Variants in APBA2 observed in about 807,000 individuals in gnomAD.
APBA2 encodes amyloid beta precursor protein binding family A member 2, also known as amyloid-beta A4 precursor protein-binding family A member 2.
In APBA2, 30 loss-of-function variants were observed where a neutral mutation model predicts 75.0. The ratio of observed to expected loss-of-function variants is 0.40; its 90% CI spans 0.30 to 0.54. The LOEUF (loss-of-function observed/expected upper bound fraction) is 0.54. Among genes scored for constraint, APBA2 ranks in the 20% least tolerant of loss-of-function variants. The pLI is 0.49. For missense variants in APBA2, 801 were observed against 1,016.1 expected, an observed-to-expected ratio of 0.79 and a Z score of 2.88; for synonymous variants, 444 against 409.6, an observed-to-expected ratio of 1.08 and a Z score of -1.01.
At chr15:28,951,707 C>T (rs1212165641) in intron 2 of APBA2, among the ~76,000 whole-genome samples, 1 of 152,124 alleles carries the variant, frequency 6.6e-6, no homozygotes, top group African/African-American at 2.4e-5. Context: ...GCCTCAGCCT[C>T]CCTAGTAGCT....
chr15:28,985,293 G>C (rs1595650391), intron 2 of APBA2, among the ~76,000 whole-genome samples: 1 of 152,274 alleles, frequency 6.6e-6, no homozygotes, highest in South Asian at 2.1e-4. Flanking sequence ...TTCAGATCAG[G>C]CTCCAGCACC....
chr15:29,052,919 A>T (rs985203408), intron 3 of APBA2, among the ~76,000 whole-genome samples: 2 of 152,214 alleles, frequency 1.3e-5, no homozygotes, highest in Non-Finnish European at 2.9e-5. Flanking sequence ...TCCTCCCAAG[A>T]TAAAGACATT....
chr15:29,084,782 AT>A (rs1011437419), intron 6 of APBA2, among the ~76,000 whole-genome samples: 18 of 152,176 alleles, frequency 1.2e-4, no homozygotes, highest in African/African-American at 4.3e-4. Context: ...TGTTGGTGTT[AT>A]TGTGGAAGAA....
intron 2 of APBA2, among the ~76,000 whole-genome samples, chr15:28,995,351 C>G (rs1469253118): frequency 6.6e-6 from 1 of 152,194 alleles, no homozygotes; most frequent in African/African-American, 2.4e-5. Flanking sequence ...CGCCCACCCC[C>G]ATATGCACAC....
chr15:28,953,662 T>C (rs2036010396), intron 2 of APBA2, among the ~76,000 whole-genome samples: 1 of 152,194 alleles, frequency 6.6e-6, no homozygotes, highest in Non-Finnish European at 1.5e-5. Flanking sequence ...CCCATGTGAC[T>C]GACCAGCAGT....
rs978701903 is a variant in APBA2, at chr15:29,108,560, G to A, written c.2037+171G>A. 7.8e-6 allele frequency: 8 copies of A among 1,025,988 alleles called. No individual in the cohort carries two copies. The African/African-American group carries it at 1.1e-4, about 14-fold the overall frequency. The allele number at this position is 1,025,988 out of a possible 1,614,324, so 63.6% of individuals were successfully genotyped here. On this transcript the variant is annotated intron_variant, in intron 13 of 14. Transcript: ENST00000683413. Reference sequence around the variant, plus strand: ...GGGCAGGAACTTTCCATGGCTCTCTGGGAGGTCCTGGCTAGAAGGGGAGGG... The same window carrying A: ...GGGCAGGAACTTTCCATGGCTCTCTAGGAGGTCCTGGCTAGAAGGGGAGGG...
At chr15:29,029,980 G>C (rs1566924931) in intron 3 of APBA2, among the ~76,000 whole-genome samples, 1 of 152,326 alleles carries the variant, frequency 6.6e-6, no homozygotes, top group Non-Finnish European at 1.5e-5. Context: ...TGTCGAGGGA[G>C]TCCAGAGGTG....
intron 2 of APBA2, among the ~76,000 whole-genome samples, chr15:28,944,240 C>T (rs545749910): frequency 6.6e-5 from 10 of 152,264 alleles, no homozygotes; most frequent in African/African-American, 1.4e-4. Flanking sequence ...AGCTCTTTCG[C>T]GGTTTGGGAT....
intron 1 of APBA2, among the ~76,000 whole-genome samples, chr15:28,913,221 C>G (rs2033513372): frequency 6.6e-6 from 1 of 152,160 alleles, no homozygotes; most frequent in South Asian, 2.1e-4. Flanking sequence ...ATACAGGGAT[C>G]CTTGCTGATT....
intron 2 of APBA2, among the ~76,000 whole-genome samples, chr15:28,982,268 T>C (rs977012300): frequency 2.0e-5 from 3 of 152,228 alleles, no homozygotes; most frequent in African/African-American, 7.2e-5. Flanking sequence ...GCCCAACATA[T>C]TGACACAAGG....
intron 1 of APBA2, among the ~76,000 whole-genome samples, chr15:28,914,450 A>C (rs1228549212): frequency 6.6e-6 from 1 of 152,138 alleles, no homozygotes; most frequent in Non-Finnish European, 1.5e-5. Flanking sequence ...CATCTTGCAC[A>C]TGGCTTCCTT....
intron 1 of APBA2, among the ~76,000 whole-genome samples, chr15:28,897,867 T>C (rs982722165): frequency 2.1e-4 from 32 of 152,220 alleles, no homozygotes; most frequent in African/African-American, 7.5e-4. Flanking sequence ...TTCTAATCCC[T>C]GAAACCTGTG....
intron 4 of APBA2, 76 bp from the exon 5 acceptor site, chr15:29,074,845 A>G (rs762734076): frequency 1.5e-4 from 207 of 1,357,432 alleles, no homozygotes; most frequent in Non-Finnish European, 2.1e-4. Flanking sequence ...AAATTGTATC[A>G]CATTGCATAT....
At chr15:29,090,900 C>T (rs566060119) in intron 6 of APBA2, among the ~76,000 whole-genome samples, 34 of 152,286 alleles carry the variant, frequency 2.2e-4, no homozygotes, top group Admixed American at 6.5e-4. Context: ...GCATGTCTGG[C>T]GAGCCTGTGG....
intron 3 of APBA2, among the ~76,000 whole-genome samples, chr15:29,028,575 G>A (rs914386471): frequency 1.1e-4 from 17 of 152,138 alleles, no homozygotes; most frequent in African/African-American, 3.4e-4. Flanking sequence ...TCTTTGAGGA[G>A]TCACCACACT....
Position 29,054,341 on chromosome 15 carries a change from G to T in APBA2, c.457G>T (p.Glu153Ter). ...GGCGGGCCCGCACCCCCACGGCCAC[G>T]AGGCTGAAGGCAGCCAGGACTACCC... is the stretch of plus-strand genomic sequence containing the variant. ...DSAGPHPHGHEAEGSQDYPDG... is the reference protein window; with the variant it reads ...DSAGPHPHGH The change falls in exon 4 of 15, where the codon GAG (glutamate) becomes TAG (stop). Residue 153 changes from glutamate to a stop codon, truncating the protein, a stop_gained. Transcript: ENST00000683413. LOFTEE classifies it high-confidence loss of function. This position sits in a 1 kb window ranked among gnomAD's most constrained non-coding sequence, Gnocchi z 6.1. The T allele has an allele frequency of 6.2e-7, 1 of 1,614,052 alleles. No homozygotes were observed. The highest frequency in any genetic ancestry group is 8.5e-7 in the Non-Finnish European group (1 of 1,180,028).
intron 1 of APBA2, among the ~76,000 whole-genome samples, chr15:28,889,579 C>A (rs1489087866): frequency 6.6e-6 from 1 of 152,232 alleles, no homozygotes; most frequent in Admixed American, 6.5e-5. Flanking sequence ...GGCTTACTGC[C>A]CAGATCTGCC....
intron 3 of APBA2, among the ~76,000 whole-genome samples, chr15:29,020,808 C>G (rs2039915648): frequency 6.6e-6 from 1 of 152,078 alleles, no homozygotes. Context: ...GAGACTCCAT[C>G]TCAAAAAACA....
rs569943490 is a variant in APBA2 at position 29,009,744 on chromosome 15, T to C, written c.-41+13938T>C. ...GTTTGTGAGAGTCACTCACAGGTGG[T>C]GTGACAGTAGTTCATTGACTCACTG... On this transcript the variant is annotated intron_variant, in intron 3 of 14. Coordinates refer to ENST00000683413, the MANE Select transcript of APBA2 (RefSeq NM_001353788.2). 3.0e-4 allele frequency among the ~76,000 whole-genome samples: 45 copies of C among 152,378 alleles called. No individual in the cohort carries two copies. The East Asian group carries it at 8.7e-3, about 29-fold the overall frequency.
Sources: gnomAD v4.1 joint callset for allele counts (sites outside exome capture counted in the v4.1 genomes callset) on GRCh38, gnomAD v4.1.1 for gene constraint, Gnocchi (gnomAD v3.1) non-coding constraint, MANE v1.5 for transcripts, NCBI Gene and HGNC (gene_info 2026-07-23, HGNC 2026-07-21) for gene names.